ERC2: variants seen among roughly 807,000 people sequenced by gnomAD.
ERC2 encodes ELKS/RAB6-interacting/CAST family member 2.
ERC2 carries 42 observed loss-of-function variants against 114.8 expected under a neutral mutation model. That is an observed-to-expected ratio of 0.37 (90% CI 0.29 to 0.47). ERC2 has a LOEUF of 0.47. ERC2 is among the 20% of genes least tolerant of loss of function. The pLI is 0.99. For synonymous variants in ERC2, 454 were observed against 425.5 expected, an observed-to-expected ratio of 1.07 and a Z score of -0.82; for missense variants, 939 against 1,150.7, an observed-to-expected ratio of 0.82 and a Z score of 2.66.
chr3:56,036,020 A>G (rs1479582388), intron 7 of ERC2, among the ~76,000 whole-genome samples: 1 of 152,242 alleles, frequency 6.6e-6, no homozygotes, highest in African/African-American at 2.4e-5. Flanking sequence ...TTCATGATCT[A>G]GTGGAATTTA....
At chr3:55,718,395 G>T (rs2064249303) in intron 15 of ERC2, among the ~76,000 whole-genome samples, 2 of 151,984 alleles carry the variant, frequency 1.3e-5, no homozygotes. Context: ...GCTGATAAAA[G>T]AAAAAAGAAC....
chr3:56,076,296 C>T (rs559624704), intron 7 of ERC2, among the ~76,000 whole-genome samples: 5 of 152,208 alleles, frequency 3.3e-5, no homozygotes, highest in East Asian at 3.9e-4. Context: ...TAAAAAAATT[C>T]GTGGGTAGCA....
At chr3:56,085,558 G>C (rs1025200606) in intron 6 of ERC2, among the ~76,000 whole-genome samples, 2 of 152,186 alleles carry the variant, frequency 1.3e-5, no homozygotes, top group Non-Finnish European at 2.9e-5. Flanking sequence ...CATGACAGGT[G>C]CACTAAAGAT....
At chr3:55,976,543 C>T (rs762732304) in intron 12 of ERC2, among the ~76,000 whole-genome samples, 13 of 152,108 alleles carry the variant, frequency 8.5e-5, no homozygotes, top group Non-Finnish European at 1.9e-4. Context: ...TTTTTGCAGG[C>T]ACTGGTTGGA....
intron 6 of ERC2, among the ~76,000 whole-genome samples, chr3:56,138,912 C>A (rs1458455940): frequency 6.6e-6 from 1 of 152,078 alleles, no homozygotes; most frequent in Admixed American, 6.6e-5. Context: ...AGATAACAAA[C>A]CAATATTTCC....
chr3:55,969,931 A>T (rs761414586), intron 12 of ERC2, among the ~76,000 whole-genome samples: 2 of 152,188 alleles, frequency 1.3e-5, no homozygotes, highest in African/African-American at 2.4e-5. Context: ...ATTTGGTTGG[A>T]AGTAGCTCAA....
chr3:55,563,328 CTTT>C (rs57775830), intron 17 of ERC2, among the ~76,000 whole-genome samples: 1,712 of 138,770 alleles, frequency 0.012, 29 homozygotes, highest in African/African-American at 0.041. Context: ...AGTGTCTTTC[CTTT>C]TTTTTTTTTT....
intron 13 of ERC2, among the ~76,000 whole-genome samples, chr3:55,929,667 C>T (rs983973463): frequency 3.3e-5 from 5 of 152,144 alleles, no homozygotes; most frequent in Admixed American, 2.0e-4. Flanking sequence ...ACTGTAATCC[C>T]CAGTGTTGAA....
At position 56,442,214 on chromosome 3, in the gene ERC2, A is replaced by G. The variant is rs2062348244; in HGVS notation, c.-140-7067T>C. Reference sequence around the variant, plus strand: ...CTATACATTCAGTAAATACACCTAAAGAAGTATTTTTTTATTTATTTTTAA... The same window carrying G: ...CTATACATTCAGTAAATACACCTAAGGAAGTATTTTTTTATTTATTTTTAA... On this transcript the variant is annotated intron_variant, in intron 1 of 17. Coordinates refer to ENST00000288221, the MANE Select transcript of ERC2 (RefSeq NM_015576.3). 3.9e-5 allele frequency among the ~76,000 whole-genome samples: 6 copies of G among 152,098 alleles called. No individual in the cohort carries two copies. In the South Asian group the frequency reaches 1.2e-3, roughly 32 times the overall value.
At chr3:56,423,756 C>G (rs2061469699) in intron 2 of ERC2, among the ~76,000 whole-genome samples, 1 of 152,190 alleles carries the variant, frequency 6.6e-6, no homozygotes, top group African/African-American at 2.4e-5. Context: ...GGCTGCACTC[C>G]CACGCTCTAC....
At chr3:56,068,485 CA>C (rs1576790921) in intron 7 of ERC2, among the ~76,000 whole-genome samples, 1 of 150,596 alleles carries the variant, frequency 6.6e-6, no homozygotes, top group African/African-American at 2.4e-5. Flanking sequence ...TATTTTTTTC[CA>C]AAAAACCAGC....
chr3:55,763,233 T>G, intron 14 of ERC2, among the ~76,000 whole-genome samples: 1 of 152,232 alleles, frequency 6.6e-6, no homozygotes, highest in East Asian at 1.9e-4. Context: ...AAGAATTAAT[T>G]GTCTCCCAGC....
At chr3:56,344,009 G>A (rs73832592) in intron 2 of ERC2, among the ~76,000 whole-genome samples, 1 of 151,994 alleles carries the variant, frequency 6.6e-6, no homozygotes, top group African/African-American at 2.4e-5. Context: ...TATACTGCAC[G>A]ACCCCTGGCT....
intron 5 of ERC2, among the ~76,000 whole-genome samples, chr3:56,147,339 A>G (rs891095097): frequency 6.6e-6 from 1 of 152,188 alleles, no homozygotes; most frequent in Non-Finnish European, 1.5e-5. Flanking sequence ...ATTCAAATCC[A>G]CTGGACAGTC....
At position 55,511,171 on chromosome 3, in the gene ERC2, T is replaced by C. The variant is rs987914231; in HGVS notation, c.*145A>G. ...AGTGAAAACTCCCCTTCAGTTCTGA[T>C]GAGCCGCTCCAGGTGGTGGTGGACA... On this transcript the variant is annotated 3_prime_UTR_variant, in exon 18 of 18. Coordinates refer to ENST00000288221, the MANE Select transcript of ERC2 (RefSeq NM_015576.3). 3 of 152,664 alleles carry C rather than the reference T, an allele frequency of 2.0e-5. No homozygotes were observed. Among genetic ancestry groups the C allele is most frequent in the African/African-American group, 4.8e-5 (2 of 41,458 alleles). 9.5% of individuals were successfully genotyped at this position (152,664 alleles called of 1,614,324 possible). A position where few individuals can be genotyped will look rare whatever the true frequency, so the allele number is the denominator to read the frequency against.
chr3:55,993,460 A>C (rs890017180), intron 10 of ERC2, among the ~76,000 whole-genome samples: 4 of 152,210 alleles, frequency 2.6e-5, no homozygotes, highest in Admixed American at 6.5e-5. Context: ...ATTAATACTA[A>C]TACTACGGTT....
intron 13 of ERC2, among the ~76,000 whole-genome samples, chr3:55,890,171 C>T (rs982266299): frequency 6.6e-6 from 1 of 152,126 alleles, no homozygotes; most frequent in African/African-American, 2.4e-5. Context: ...TATAAGTTCA[C>T]AGAACATCAC....
intron 14 of ERC2, among the ~76,000 whole-genome samples, chr3:55,830,121 C>A (rs1215893175): frequency 6.6e-6 from 1 of 152,134 alleles, no homozygotes; most frequent in Non-Finnish European, 1.5e-5. Context: ...CAGAAGAAAA[C>A]AATGACTGAA....
rs370762960 is a variant in ERC2, at chr3:56,398,343, G to C, written c.657+36008C>G. Among the ~76,000 whole-genome samples the C allele has an allele frequency of 1.3e-4, 20 of 152,152 alleles. No homozygotes were observed. The East Asian group carries it at 3.1e-3, about 23-fold the overall frequency. On this transcript the variant is annotated intron_variant, in intron 2 of 17. Transcript: ENST00000288221. Reference sequence around the variant, plus strand: ...GAGGTTTAAGACCGAAAGGGGTAAAGTAACTTGCCAAAGTCAAACAATAGC... The same window carrying C: ...GAGGTTTAAGACCGAAAGGGGTAAACTAACTTGCCAAAGTCAAACAATAGC...
Sources: gnomAD v4.1 joint callset for allele counts (sites outside exome capture counted in the v4.1 genomes callset) on GRCh38, gnomAD v4.1.1 for gene constraint, MANE v1.5 for transcripts, NCBI Gene and HGNC (gene_info 2026-07-23, HGNC 2026-07-21) for gene names.